Variants in MTUS2 observed in about 807,000 individuals in gnomAD.
MTUS2 encodes the protein microtubule-associated tumor suppressor candidate 2.
A neutral mutation model predicts 114.1 loss-of-function variants in MTUS2; 40 were observed. That is an observed-to-expected ratio of 0.35 (90% CI 0.27 to 0.46). The LOEUF (loss-of-function observed/expected upper bound fraction) is 0.46, where lower values mean the gene tolerates loss of function less well. Ranked by LOEUF, MTUS2 falls within the 20% of genes least tolerant of loss-of-function variation. The pLI is 1.00. For missense variants in MTUS2, 1,679 were observed against 1,705.4 expected, an observed-to-expected ratio of 0.98 and a Z score of 0.27; for synonymous variants, 688 against 672.0, an observed-to-expected ratio of 1.02 and a Z score of -0.37.
intron 5 of MTUS2, among the ~76,000 whole-genome samples, chr13:29,185,764 C>G (rs2139175400): frequency 6.6e-6 from 1 of 152,040 alleles, no homozygotes; most frequent in East Asian, 1.9e-4. Flanking sequence ...ATATTTCGTA[C>G]AAGAAATATT....
At chr13:29,470,635 T>G (rs1880216128) in intron 9 of MTUS2, among the ~76,000 whole-genome samples, 1 of 152,242 alleles carries the variant, frequency 6.6e-6, no homozygotes, top group South Asian at 2.1e-4. Flanking sequence ...TTCGTTCCTG[T>G]TATCCCGTTT....
At chr13:28,942,896 G>T (rs956346129) in intron 2 of MTUS2, among the ~76,000 whole-genome samples, 1 of 152,088 alleles carries the variant, frequency 6.6e-6, no homozygotes, top group Non-Finnish European at 1.5e-5. Context: ...TTTCATTAAG[G>T]TGTACTTCAT....
At chr13:29,096,759 G>C (rs1890194759) in intron 4 of MTUS2, among the ~76,000 whole-genome samples, 1 of 152,158 alleles carries the variant, frequency 6.6e-6, no homozygotes, top group Non-Finnish European at 1.5e-5. Context: ...GGGGACAGTG[G>C]ACTGCTTCTC....
chr13:28,958,702 C>T, intron 2 of MTUS2, among the ~76,000 whole-genome samples: 1 of 152,106 alleles, frequency 6.6e-6, no homozygotes, highest in East Asian at 1.9e-4. Flanking sequence ...CAACAGGTCC[C>T]ATTTAACATG....
intron 5 of MTUS2, among the ~76,000 whole-genome samples, chr13:29,268,121 A>G (rs1259986758): frequency 6.6e-6 from 1 of 152,010 alleles, no homozygotes; most frequent in Non-Finnish European, 1.5e-5. Flanking sequence ...TACATTAGGT[A>G]TTTCTCCTAA....
At chr13:29,315,644 T>G (rs887100350) in intron 6 of MTUS2, among the ~76,000 whole-genome samples, 1 of 151,974 alleles carries the variant, frequency 6.6e-6, no homozygotes, top group South Asian at 2.1e-4. Flanking sequence ...TGAGCTAGGG[T>G]TGGGTTCTGC....
At chr13:28,911,992 A>G (rs1880467980) in intron 2 of MTUS2, among the ~76,000 whole-genome samples, 1 of 151,804 alleles carries the variant, frequency 6.6e-6, no homozygotes, top group African/African-American at 2.4e-5. Flanking sequence ...GCTCTGCAGA[A>G]GCCCTTTAGT....
intron 5 of MTUS2, among the ~76,000 whole-genome samples, chr13:29,229,663 A>G (rs1023372865): frequency 3.3e-5 from 5 of 152,246 alleles, no homozygotes; most frequent in Admixed American, 2.6e-4. Flanking sequence ...ATAAAATCCA[A>G]CAATACCTCA....
intron 4 of MTUS2, among the ~76,000 whole-genome samples, chr13:29,079,362 GT>G: frequency 1.3e-5 from 2 of 152,032 alleles, no homozygotes; most frequent in South Asian, 2.1e-4. Context: ...CATTCTTAGG[GT>G]TTTTTTCTCT....
chr13:29,128,868 C>G (rs1891632343), intron 5 of MTUS2, among the ~76,000 whole-genome samples: 1 of 152,052 alleles, frequency 6.6e-6, no homozygotes, highest in South Asian at 2.1e-4. Flanking sequence ...TAAAACTGAA[C>G]AAAGTCTAAA....
intron 4 of MTUS2, among the ~76,000 whole-genome samples, chr13:29,063,183 G>T (rs1888502539): frequency 6.6e-6 from 1 of 152,252 alleles, no homozygotes; most frequent in African/African-American, 2.4e-5. Flanking sequence ...CTTTTTAGTA[G>T]ATTTTTATGT....
chr13:29,245,885 G>C (rs1227029120), intron 5 of MTUS2, among the ~76,000 whole-genome samples: 3 of 152,138 alleles, frequency 2.0e-5, no homozygotes, highest in Admixed American at 1.3e-4. Context: ...TTTTAGAAGA[G>C]ACGGGGTTTC....
chr13:29,438,699 G>A (rs536548500), intron 8 of MTUS2, among the ~76,000 whole-genome samples: 1 of 152,214 alleles, frequency 6.6e-6, no homozygotes, highest in East Asian at 1.9e-4. Flanking sequence ...CTATAGCAGG[G>A]TCCATTTCCC....
At chr13:29,143,343 C>T (rs1477080883) in intron 5 of MTUS2, among the ~76,000 whole-genome samples, 2 of 152,160 alleles carry the variant, frequency 1.3e-5, no homozygotes, top group East Asian at 3.8e-4. Flanking sequence ...ATCTGTTTTC[C>T]TTTCATTTTT....
chr13:29,474,425 C>A (rs917409602), intron 9 of MTUS2, among the ~76,000 whole-genome samples: 1 of 152,142 alleles, frequency 6.6e-6, no homozygotes, highest in African/African-American at 2.4e-5. Flanking sequence ...CTTTTTACTT[C>A]TAAGTCATGC....
At chr13:29,161,795 G>C (rs1893108991) in intron 5 of MTUS2, among the ~76,000 whole-genome samples, 1 of 152,210 alleles carries the variant, frequency 6.6e-6, no homozygotes, top group Admixed American at 6.5e-5. Context: ...GTCATGGCTG[G>C]CAGCGTCCCT....
intron 4 of MTUS2, among the ~76,000 whole-genome samples, chr13:29,085,406 A>G (rs1889646994): frequency 6.6e-6 from 1 of 152,196 alleles, no homozygotes. Context: ...ATAGTACCCA[A>G]TAGGTAGTTT....
intron 7 of MTUS2, among the ~76,000 whole-genome samples, chr13:29,341,010 A>G (rs1264244114): frequency 1.3e-5 from 2 of 152,208 alleles, no homozygotes; most frequent in Non-Finnish European, 2.9e-5. Flanking sequence ...TTAGTATTTC[A>G]TAGTACGTTT....
At chr13:28,881,456 T>A (rs1878285111) in intron 2 of MTUS2, among the ~76,000 whole-genome samples, 1 of 152,240 alleles carries the variant, frequency 6.6e-6, no homozygotes, top group Admixed American at 6.5e-5. Flanking sequence ...AGGTATCTTT[T>A]TGATAAAATG....
Sources: gnomAD v4.1 joint callset for allele counts (sites outside exome capture counted in the v4.1 genomes callset) on GRCh38, gnomAD v4.1.1 for gene constraint, MANE v1.5 for transcripts, NCBI Gene and HGNC (gene_info 2026-07-23, HGNC 2026-07-21) for gene names.